Variants in GLI2 observed in about 807,000 individuals in gnomAD.
The protein encoded by GLI2 is transcription activator GLI2.
In GLI2, 22 loss-of-function variants were observed where a neutral mutation model predicts 78.9. The ratio of observed to expected loss-of-function variants is 0.28; its 90% confidence interval spans 0.20 to 0.40. The LOEUF is 0.40. GLI2 is among the 10% of genes least tolerant of loss of function. The probability of loss-of-function intolerance (pLI) is 1.00; values close to 1 mark genes in which losing one functional copy is unlikely to be tolerated. For missense variants in GLI2, 2,097 were observed against 2,213.2 expected (o/e 0.95, Z 1.05); for synonymous variants, 974 against 963.7 (o/e 1.01, Z -0.20).
intron 2 of GLI2, among the ~76,000 whole-genome samples, chr2:120,900,903 T>C (rs1678219408): frequency 6.6e-6 from 1 of 152,184 alleles, no homozygotes; most frequent in African/African-American, 2.4e-5. Context: ...TCACTCACTT[T>C]CCTTTGCACT....
intron 8 of GLI2, among the ~76,000 whole-genome samples, chr2:120,974,021 C>T (rs1682326064): frequency 6.6e-6 from 1 of 152,202 alleles, no homozygotes; most frequent in Non-Finnish European, 1.5e-5. Flanking sequence ...CTTCATCCCC[C>T]TGAGCCTGAC....
At chr2:120,772,528 G>A (rs1683553390) in intron 1 of GLI2, among the ~76,000 whole-genome samples, 1 of 152,196 alleles carries the variant, frequency 6.6e-6, no homozygotes, top group Admixed American at 6.5e-5. Flanking sequence ...GGAGCACCCC[G>A]GCTGCCCACT....
intron 2 of GLI2, among the ~76,000 whole-genome samples, chr2:120,881,518 AG>A (rs981846116): frequency 7.9e-5 from 8 of 100,670 alleles, no homozygotes; most frequent in African/African-American, 3.1e-4. Flanking sequence ...AGGTCAAGGG[AG>A]GGCAGGTGGG....
intron 2 of GLI2, among the ~76,000 whole-genome samples, chr2:120,815,282 T>TA (rs1685439875): frequency 1.3e-5 from 2 of 152,152 alleles, no homozygotes; most frequent in East Asian, 1.9e-4. Context: ...TGTTTACTCA[T>TA]AAAAAAACAC....
At chr2:120,896,334 C>T (rs1677944112) in intron 2 of GLI2, among the ~76,000 whole-genome samples, 1 of 152,064 alleles carries the variant, frequency 6.6e-6, no homozygotes, top group Admixed American at 6.6e-5. Context: ...AGGGCCATGA[C>T]CCCAGAAGGC....
chr2:120,895,232 A>G (rs1236720772), intron 2 of GLI2, among the ~76,000 whole-genome samples: 2 of 152,236 alleles, frequency 1.3e-5, no homozygotes, highest in Non-Finnish European at 2.9e-5. Context: ...ACAACAATGA[A>G]AAAACAACAA....
intron 2 of GLI2, among the ~76,000 whole-genome samples, chr2:120,850,838 G>T (rs752525782): frequency 9.2e-5 from 14 of 152,194 alleles, no homozygotes; most frequent in Non-Finnish European, 1.8e-4. Flanking sequence ...GAATTGAGTT[G>T]TCCTCTGTAT....
intron 2 of GLI2, among the ~76,000 whole-genome samples, chr2:120,845,839 T>C (rs1687091323): frequency 6.6e-6 from 1 of 152,200 alleles, no homozygotes. Context: ...ATGTAGATAT[T>C]GTTGCTGAGG....
chr2:120,930,269 G>A (rs961254163), intron 3 of GLI2, among the ~76,000 whole-genome samples: 3 of 152,190 alleles, frequency 2.0e-5, no homozygotes, highest in African/African-American at 7.2e-5. Context: ...CTTGTGAACC[G>A]GCCCTGCTGT....
chr2:120,967,398 C>G (rs751174679), intron 5 of GLI2, among the ~76,000 whole-genome samples: 32 of 152,312 alleles, frequency 2.1e-4, no homozygotes, highest in South Asian at 1.2e-3. Flanking sequence ...GGGCAGGAAG[C>G]TTGGCTTGTG....
intron 1 of GLI2, among the ~76,000 whole-genome samples, chr2:120,749,823 A>G (rs1682809547): frequency 6.6e-6 from 1 of 152,182 alleles, no homozygotes; most frequent in Non-Finnish European, 1.5e-5. Flanking sequence ...CATCATCTCA[A>G]GAGGGGGGCC....
chr2:120,899,595 T>G (rs1358080226), intron 2 of GLI2, among the ~76,000 whole-genome samples: 1 of 152,106 alleles, frequency 6.6e-6, no homozygotes, highest in East Asian at 1.9e-4. Flanking sequence ...CAACTTGCAG[T>G]GAACTGAGGG....
At chr2:120,942,974 A>ACGCC (rs1680534456) in intron 3 of GLI2, among the ~76,000 whole-genome samples, 1 of 138,590 alleles carries the variant, frequency 7.2e-6, no homozygotes, top group African/African-American at 2.9e-5. Flanking sequence ...TCACGCCCTC[A>ACGCC]CTCACTCATT....
At chr2:120,982,621 G>A in intron 10 of GLI2, 95 bp from the exon 11 acceptor site, 2 of 1,036,948 alleles carry the variant, frequency 1.9e-6, no homozygotes, top group South Asian at 1.5e-5. Flanking sequence ...TGACGGGTTG[G>A]AGCAGAGCAG....
chr2:120,907,801 A>G (rs1678617018), intron 2 of GLI2, among the ~76,000 whole-genome samples: 2 of 152,212 alleles, frequency 1.3e-5, no homozygotes, highest in African/African-American at 2.4e-5. Context: ...TGAAGAGCAA[A>G]TCAACACAGG....
chr2:120,903,355 CAA>C (rs35010304), intron 2 of GLI2, among the ~76,000 whole-genome samples: 63 of 147,950 alleles, frequency 4.3e-4, no homozygotes, highest in African/African-American at 3.5e-4. Flanking sequence ...GACTCCATCT[CAA>C]AAAAAAAAAA....
chr2:120,949,769 A>C (rs1680889057), intron 3 of GLI2, among the ~76,000 whole-genome samples: 1 of 152,252 alleles, frequency 6.6e-6, no homozygotes. Flanking sequence ...CAGGCCTGGC[A>C]CAGCGGCCTC....
At chr2:120,857,747 T>C (rs1192927751) in intron 2 of GLI2, among the ~76,000 whole-genome samples, 1 of 152,100 alleles carries the variant, frequency 6.6e-6, no homozygotes, top group Non-Finnish European at 1.5e-5. Flanking sequence ...CACCTCAGTG[T>C]AGCCCACAGG....
chr2:120,883,887 G>A (rs1449852239), intron 2 of GLI2, among the ~76,000 whole-genome samples: 1 of 152,136 alleles, frequency 6.6e-6, no homozygotes. Flanking sequence ...CTATCTCTAC[G>A]GGGGACTCCC....
Sources: allele counts gnomAD v4.1 joint callset (sites outside exome capture counted in the v4.1 genomes callset), GRCh38; gene constraint gnomAD v4.1.1; transcripts MANE v1.5; gene names NCBI Gene and HGNC (gene_info 2026-07-23, HGNC 2026-07-21).